The following NRXN1 variants were observed in gnomAD, a reference collection of about 807,000 sequenced individuals.
NRXN1 encodes neurexin-1.
Under a neutral mutation model 150.9 loss-of-function variants are expected in NRXN1, and 39 were observed. The observed-to-expected ratio is 0.26, with a 90% CI of 0.20 to 0.34. The LOEUF is 0.34. Ranked by LOEUF, NRXN1 falls within the 10% of genes least tolerant of loss-of-function variation. The pLI, the probability that NRXN1 is intolerant of heterozygous loss-of-function variation, is 1.00. For missense variants in NRXN1, 1,815 were observed against 1,949.9 expected (o/e 0.93, Z 1.30); for synonymous variants, 924 against 757.0 (o/e 1.22, Z -3.62).
intron 17 of NRXN1, among the ~76,000 whole-genome samples, chr2:50,381,522 AACACACACACACACACACACACACACAC>A (rs59726557): frequency 7.8e-6 from 1 of 128,610 alleles, no homozygotes; most frequent in African/African-American, 2.8e-5. Context: ...CAGGCTTTTA[AACACACACACACACACACACACACACAC>A]ACACACACAC....
chr2:50,247,745 C>A (rs887689509), intron 17 of NRXN1, among the ~76,000 whole-genome samples: 1 of 151,948 alleles, frequency 6.6e-6, no homozygotes, highest in Non-Finnish European at 1.5e-5. Flanking sequence ...ATGCAAGATC[C>A]TGGCTTTGAT....
chr2:50,019,625 G>C (rs1687192163), intron 21 of NRXN1, among the ~76,000 whole-genome samples: 2 of 71,096 alleles, frequency 2.8e-5, no homozygotes, highest in Admixed American at 1.9e-4. Context: ...CTGTAAGAAG[G>C]AGCAAGATTC....
chr2:50,158,471 C>T (rs13402322), intron 18 of NRXN1, among the ~76,000 whole-genome samples: 2,801 of 151,836 alleles, frequency 0.018, 87 homozygotes, highest in African/African-American at 0.062. Context: ...TCTAACACAA[C>T]TGGAAAAGGA....
At chr2:49,947,649 A>T (rs1673192300) in intron 21 of NRXN1, among the ~76,000 whole-genome samples, 4 of 151,272 alleles carry the variant, frequency 2.6e-5, no homozygotes, top group Admixed American at 2.0e-4. Flanking sequence ...GGAATGAGCT[A>T]CCACACAATG....
At chr2:50,377,557 A>C (rs2080607139) in intron 17 of NRXN1, among the ~76,000 whole-genome samples, 2 of 152,174 alleles carry the variant, frequency 1.3e-5, no homozygotes, top group African/African-American at 4.8e-5. Flanking sequence ...CATTCTTAAA[A>C]TTAAAGTTGG....
At chr2:50,889,083 C>T (rs777538110) in intron 5 of NRXN1, among the ~76,000 whole-genome samples, 6 of 151,608 alleles carry the variant, frequency 4.0e-5, no homozygotes, top group Non-Finnish European at 7.4e-5. Context: ...TTAATCACAA[C>T]TTGATCATTT....
intron 8 of NRXN1, among the ~76,000 whole-genome samples, chr2:50,573,332 C>T (rs1420135760): frequency 1.3e-5 from 2 of 151,180 alleles, no homozygotes; most frequent in African/African-American, 4.9e-5. Flanking sequence ...CACTGCACTC[C>T]AGCCTGGGTG....
rs116997377 is a variant in NRXN1, at chr2:50,580,708, G to C, written c.1321-27683C>G. ...CACATTCTAGATATCTGAAAACTGAGTTTTCCCTCTCCTTTGTGGCAGTCT... is the reference window on the plus strand; with the variant it reads ...CACATTCTAGATATCTGAAAACTGACTTTTCCCTCTCCTTTGTGGCAGTCT... On this transcript the variant is annotated intron_variant, in intron 8 of 22. Transcript: ENST00000401669. Among the ~76,000 whole-genome samples the C allele has an allele frequency of 2.3e-4, 35 of 152,198 alleles. No individual in the cohort carries two copies. In the East Asian group the frequency reaches 6.6e-3, roughly 29 times the overall value.
chr2:50,034,460 T>A (rs1689695379), intron 21 of NRXN1, among the ~76,000 whole-genome samples: 1 of 151,646 alleles, frequency 6.6e-6, no homozygotes, highest in South Asian at 2.1e-4. Context: ...AATGGACACA[T>A]ACAGGGAAAC....
At chr2:50,278,257 A>ATATATATATATAT (rs1382153368) in intron 17 of NRXN1, among the ~76,000 whole-genome samples, 3 of 102,382 alleles carry the variant, frequency 2.9e-5, no homozygotes, top group African/African-American at 4.0e-5. Flanking sequence ...TATATATATT[A>ATATATATATATAT]TATATATTAT....
Position 50,987,257 on chromosome 2 carries a change from C to G in NRXN1, c.772+40245G>C, listed in dbSNP as rs547485024. On this transcript the variant is annotated intron_variant, in intron 2 of 22. Transcript: ENST00000401669. ...TAAAGATTTTCTATTTAAGTTAGTA[C>G]AATAATTCAATATAAAATAAAAAAG... Among the ~76,000 whole-genome samples, 13 of 151,748 alleles carry G rather than the reference C, an allele frequency of 8.6e-5. No homozygotes were observed. In the East Asian group the frequency reaches 1.7e-3, roughly 20 times the overall value.
chr2:50,902,750 T>C (rs961692068), intron 5 of NRXN1, among the ~76,000 whole-genome samples: 1 of 152,208 alleles, frequency 6.6e-6, no homozygotes, highest in Non-Finnish European at 1.5e-5. Flanking sequence ...AAAAAGTTTT[T>C]ATCTTGGTTA....
At chr2:50,214,992 A>G (rs963409012) in intron 18 of NRXN1, among the ~76,000 whole-genome samples, 1 of 152,052 alleles carries the variant, frequency 6.6e-6, no homozygotes, top group Non-Finnish European at 1.5e-5. Context: ...TTGCAGCCAC[A>G]TTATTACCTG....
intron 5 of NRXN1, among the ~76,000 whole-genome samples, chr2:50,682,725 G>T (rs988631092): frequency 7.2e-5 from 11 of 152,168 alleles, no homozygotes; most frequent in Middle Eastern, 3.4e-3. Flanking sequence ...ATTTCCAAGG[G>T]CCTAGCAAGA....
chr2:50,068,939 T>C (rs559152675), intron 19 of NRXN1, among the ~76,000 whole-genome samples: 1 of 152,322 alleles, frequency 6.6e-6, no homozygotes, highest in East Asian at 1.9e-4. Flanking sequence ...TCCCAAGCAA[T>C]GTCATCTTTA....
intron 5 of NRXN1, among the ~76,000 whole-genome samples, chr2:50,883,026 A>C (rs948849126): frequency 1.3e-5 from 2 of 151,912 alleles, no homozygotes; most frequent in African/African-American, 4.8e-5. Flanking sequence ...ATAAATGTCC[A>C]TAAAATTATT....
chr2:50,889,317 T>C (rs1680715292), intron 5 of NRXN1, among the ~76,000 whole-genome samples: 2 of 151,760 alleles, frequency 1.3e-5, no homozygotes, highest in Admixed American at 1.3e-4. Flanking sequence ...GTTATTTGTG[T>C]ACTCTTGCAT....
intron 17 of NRXN1, among the ~76,000 whole-genome samples, chr2:50,383,685 G>C (rs765453962): frequency 2.0e-5 from 3 of 152,086 alleles, no homozygotes; most frequent in Non-Finnish European, 4.4e-5. Flanking sequence ...AATGGGTCCT[G>C]GTACTCCCTG....
At chr2:50,851,752 T>C (rs1214105652) in intron 5 of NRXN1, among the ~76,000 whole-genome samples, 1 of 151,142 alleles carries the variant, frequency 6.6e-6, no homozygotes, top group Non-Finnish European at 1.5e-5. Context: ...GAAAAAAAAA[T>C]AGAACAAAAA....
Sources: allele counts gnomAD v4.1 joint callset (sites outside exome capture counted in the v4.1 genomes callset), GRCh38; gene constraint gnomAD v4.1.1; transcripts MANE v1.5; gene names NCBI Gene and HGNC (gene_info 2026-07-23, HGNC 2026-07-21).